The following ESRRG variants were observed in gnomAD, a reference collection of about 807,000 sequenced individuals.
ESRRG encodes estrogen-related receptor gamma.
Under a neutral mutation model 44.0 loss-of-function variants are expected in ESRRG, and 13 were observed. The ratio of observed to expected loss-of-function variants is 0.30; its 90% CI spans 0.19 to 0.47. ESRRG has a LOEUF of 0.47. ESRRG is among the 20% of genes least tolerant of loss of function. The pLI, the probability that ESRRG is intolerant of heterozygous loss-of-function variation, is 1.00. For missense variants in ESRRG, 395 were observed against 580.6 expected, an observed-to-expected ratio of 0.68 and a Z score of 3.29; for synonymous variants, 215 against 214.6, an observed-to-expected ratio of 1.00 and a Z score of -0.02.
rs150239992 is a variant in ESRRG, at chr1:216,659,197, C to T, written c.473-8108G>A. 4.5e-4 allele frequency among the ~76,000 whole-genome samples: 68 copies of T among 152,266 alleles called. 1 individual carries two copies. In the East Asian group the frequency reaches 0.011, roughly 24 times the overall value. On this transcript the variant is annotated intron_variant, in intron 2 of 6. Transcript: ENST00000408911. ...TTGTTATTTACCTTGAATCCTAAGG[C>T]TTTACTCTCCAGTTTGCAAATATTA...
At chr1:216,685,527 A>C (rs952810884) in intron 1 of ESRRG, among the ~76,000 whole-genome samples, 1 of 152,208 alleles carries the variant, frequency 6.6e-6, no homozygotes, top group Non-Finnish European at 1.5e-5. Flanking sequence ...TGACAGCTAA[A>C]TGAAGACCTT....
intron 2 of ESRRG, among the ~76,000 whole-genome samples, chr1:216,890,588 AG>A (rs2057643567): frequency 6.6e-6 from 1 of 152,214 alleles, no homozygotes; most frequent in Non-Finnish European, 1.5e-5. Flanking sequence ...TAACAAAATG[AG>A]GGTTTTACAG....
At chr1:216,744,683 T>C (rs1462440372) in intron 2 of ESRRG, among the ~76,000 whole-genome samples, 2 of 152,222 alleles carry the variant, frequency 1.3e-5, no homozygotes, top group Non-Finnish European at 2.9e-5. Context: ...TTCCTGGCAA[T>C]ACATGCTGTG....
intron 2 of ESRRG, among the ~76,000 whole-genome samples, chr1:216,824,174 C>T (rs1821787): frequency 0.61 from 93,011 of 152,000 alleles, 28,995 homozygotes; most frequent in African/African-American, 0.66. Flanking sequence ...AGGCTGGGCA[C>T]GGTGGCTCAT....
intron 2 of ESRRG, among the ~76,000 whole-genome samples, chr1:216,858,318 T>A (rs1414466314): frequency 6.6e-6 from 1 of 150,790 alleles, no homozygotes; most frequent in East Asian, 1.9e-4. Flanking sequence ...GTGCCTGTAG[T>A]CCCAGCTACT....
intron 1 of ESRRG, among the ~76,000 whole-genome samples, chr1:217,053,460 C>CA (rs199728551): frequency 9.6e-5 from 6 of 62,524 alleles, no homozygotes; most frequent in Admixed American, 9.2e-4. Flanking sequence ...GTCCCAAAGC[C>CA]AAAAAAAAGA....
chr1:216,569,111 A>AGGAAGGAAGGAAGGAAGAAGGAAG lies in ESRRG; in HGVS notation c.590-1014_590-1013insCTTCCTTCTTCCTTCCTTCCTTCC, dbSNP rs1553355981. ...AAGGAAGGAAGGAAGGAAGGAAGGA[A>AGGAAGGAAGGAAGGAAGAAGGAAG]GAAGGAAGGAAGGAAGGAAGGAAAG... On this transcript the variant is annotated intron_variant, in intron 3 of 6. Transcript: ENST00000408911. Among the ~76,000 whole-genome samples, 367 of 104,466 alleles carry AGGAAGGAAGGAAGGAAGAAGGAAG rather than the reference A, an allele frequency of 3.5e-3. 9 individuals are homozygous for AGGAAGGAAGGAAGGAAGAAGGAAG. Among genetic ancestry groups the AGGAAGGAAGGAAGGAAGAAGGAAG allele is most frequent in the African/African-American group, 8.0e-3 (227 of 28,356 alleles). 68.5% of individuals were successfully genotyped at this position (104,466 alleles called of 152,430 possible). A position where few individuals can be genotyped will look rare whatever the true frequency, so the allele number is the denominator to read the frequency against.
chr1:216,876,553 C>G (rs2096356683), intron 2 of ESRRG, among the ~76,000 whole-genome samples: 1 of 145,292 alleles, frequency 6.9e-6, no homozygotes, highest in Admixed American at 6.6e-5. Context: ...CAAAGGAAAT[C>G]TACTTTTTAT....
At chr1:217,036,897 T>C (rs996454292) in intron 1 of ESRRG, among the ~76,000 whole-genome samples, 1 of 151,830 alleles carries the variant, frequency 6.6e-6, no homozygotes, top group East Asian at 1.9e-4. Flanking sequence ...AGCGTGACAC[T>C]TCCCTCAAGC....
At chr1:217,047,127 G>T (rs1386090395) in intron 1 of ESRRG, among the ~76,000 whole-genome samples, 1 of 151,582 alleles carries the variant, frequency 6.6e-6, no homozygotes, top group Admixed American at 6.6e-5. Context: ...ACCATGAAGT[G>T]GTTGTATCAA....
chr1:216,837,071 C>T (rs2095576491), intron 2 of ESRRG, among the ~76,000 whole-genome samples: 2 of 151,796 alleles, frequency 1.3e-5, no homozygotes, highest in Admixed American at 1.3e-4. Context: ...ACATGATAAG[C>T]ATTTGTCCAG....
intron 1 of ESRRG, among the ~76,000 whole-genome samples, chr1:216,979,050 C>T (rs531864961): frequency 1.3e-5 from 2 of 152,212 alleles, no homozygotes; most frequent in East Asian, 3.9e-4. Flanking sequence ...TCTCTCCCTC[C>T]CCTCCTCCCA....
intron 1 of ESRRG, among the ~76,000 whole-genome samples, chr1:217,079,475 T>G (rs1486641586): frequency 6.6e-6 from 1 of 152,172 alleles, no homozygotes; most frequent in Non-Finnish European, 1.5e-5. Flanking sequence ...TGCTTTTCAT[T>G]TTGGCCACAC....
intron 2 of ESRRG, among the ~76,000 whole-genome samples, chr1:216,829,802 C>T (rs551973605): frequency 2.2e-4 from 33 of 152,246 alleles, no homozygotes; most frequent in Non-Finnish European, 4.3e-4. Flanking sequence ...GATCCACCCT[C>T]CTCGGCCTCC....
intron 3 of ESRRG, among the ~76,000 whole-genome samples, chr1:216,630,176 C>G (rs2063892279): frequency 1.3e-5 from 2 of 152,138 alleles, no homozygotes; most frequent in South Asian, 4.1e-4. Context: ...CTATGAAAAA[C>G]TATTTGCTTC....
At chr1:216,771,760 A>T (rs550553105) in intron 2 of ESRRG, among the ~76,000 whole-genome samples, 2 of 150,814 alleles carry the variant, frequency 1.3e-5, no homozygotes, top group South Asian at 4.2e-4. Flanking sequence ...CTGTGATAGC[A>T]TTAGAAATAC....
chr1:216,774,798 C>CTTTTTTTTTTTTTTTTT (rs58598227), intron 2 of ESRRG, among the ~76,000 whole-genome samples: 125 of 110,790 alleles, frequency 1.1e-3, no homozygotes, highest in Non-Finnish European at 1.6e-3. Context: ...ATAATTTCTT[C>CTTTTTTTTTTTTTTTTT]TTTTTTTTTT....
chr1:216,766,985 C>T (rs771277531), intron 2 of ESRRG, among the ~76,000 whole-genome samples: 2 of 152,040 alleles, frequency 1.3e-5, no homozygotes, highest in Non-Finnish European at 2.9e-5. Context: ...TGATGAAGCT[C>T]GAATCATTTA....
chr1:217,011,348 T>C (rs1174751474), intron 1 of ESRRG, among the ~76,000 whole-genome samples: 1 of 152,230 alleles, frequency 6.6e-6, no homozygotes, highest in Non-Finnish European at 1.5e-5. Flanking sequence ...ACAGGTTTAT[T>C]GGTGGACACT....
Sources: gnomAD v4.1 joint callset for allele counts (sites outside exome capture counted in the v4.1 genomes callset) on GRCh38, gnomAD v4.1.1 for gene constraint, MANE v1.5 for transcripts, NCBI Gene and HGNC (gene_info 2026-07-23, HGNC 2026-07-21) for gene names.